Variants in GPR141 observed in about 807,000 individuals in gnomAD.
The protein encoded by GPR141 is G protein-coupled receptor 141, also known as probable G protein-coupled receptor 141.
A neutral mutation model predicts 6.8 loss-of-function variants in GPR141; 6 were observed. That is an observed-to-expected ratio of 0.88 (90% CI 0.48 to 1.74). The LOEUF is 1.74. Among genes scored for constraint, GPR141 ranks in the 40% most tolerant of loss-of-function variants. The pLI is 0.01. For synonymous variants in GPR141, 140 were observed against 142.3 expected (o/e 0.98, Z 0.11); for missense variants, 372 against 372.9 (o/e 1.00, Z 0.02).
intron 2 of GPR141, among the ~76,000 whole-genome samples, chr7:37,707,600 C>T (rs527259518): frequency 2.2e-4 from 33 of 152,224 alleles, no homozygotes; most frequent in Non-Finnish European, 4.1e-4. Context: ...CTTTATGAAA[C>T]GGGTAACATT....
At chr7:37,695,488 G>A (rs1809972990) in intron 2 of GPR141, among the ~76,000 whole-genome samples, 1 of 152,166 alleles carries the variant, frequency 6.6e-6, no homozygotes, top group Admixed American at 6.5e-5. Context: ...GGATGATGTT[G>A]GCTAGGGTTC....
chr7:37,692,258 G>A (rs1019039811), intron 2 of GPR141, among the ~76,000 whole-genome samples: 1 of 151,440 alleles, frequency 6.6e-6, no homozygotes, highest in Non-Finnish European at 1.5e-5. Context: ...TTGGTTTTCT[G>A]TTCCTCTGTT....
intron 2 of GPR141, among the ~76,000 whole-genome samples, chr7:37,737,107 GA>G (rs1315015672): frequency 6.6e-6 from 1 of 151,982 alleles, no homozygotes; most frequent in African/African-American, 2.4e-5. Flanking sequence ...AAGATTGCAA[GA>G]AAAAGGGAAA....
chr7:37,727,238 C>T (rs1389125563), intron 2 of GPR141, among the ~76,000 whole-genome samples: 1 of 152,108 alleles, frequency 6.6e-6, no homozygotes, highest in Non-Finnish European at 1.5e-5. Context: ...TAGAAAATGT[C>T]CTTTAATTAT....
chr7:37,740,659 A>C lies in GPR141; in HGVS notation c.266A>C (p.Lys89Thr). ...KTWMFGLPFC[K>T]FVSAMLHIHM... ...TGGATGTTTGGGCTGCCCTTCTGCA[A>C]ATTTGTGAGTGCCATGCTGCACATC... The change falls in exon 3 of 3, where the codon AAA becomes ACA. Residue 89 changes from lysine to threonine, a missense_variant. Coordinates refer to ENST00000334425, the MANE Select transcript of GPR141 (RefSeq NM_001381946.1). 6.2e-7 allele frequency: 1 copy of C among 1,614,078 alleles called. No individual in the cohort carries two copies. Among genetic ancestry groups the C allele is most frequent in the Non-Finnish European group, 8.5e-7 (1 of 1,179,988 alleles).
chr7:37,722,979 CTTCT>C (rs1198501965), intron 2 of GPR141, among the ~76,000 whole-genome samples: 954 of 77,698 alleles, frequency 0.012, 65 homozygotes, highest in Admixed American at 0.099. Context: ...TCCTTCCTTC[CTTCT>C]TTCTTTCTTT....
chr7:37,688,105 T>A (rs143918642), intron 2 of GPR141, among the ~76,000 whole-genome samples: 28 of 152,234 alleles, frequency 1.8e-4, no homozygotes, highest in Non-Finnish European at 3.4e-4. Flanking sequence ...TGCTGGCCCA[T>A]GAACTATATT....
intron 2 of GPR141, among the ~76,000 whole-genome samples, chr7:37,710,178 G>A (rs1049740563): frequency 2.0e-5 from 3 of 152,084 alleles, no homozygotes; most frequent in African/African-American, 7.2e-5. Context: ...TTTTGTTATT[G>A]TTTGGATTTT....
chr7:37,741,249 G>T lies in GPR141; in HGVS notation c.856G>T (p.Gly286Trp). The T allele has an allele frequency of 6.2e-7, 1 of 1,610,874 alleles. No individual in the cohort carries two copies. Among genetic ancestry groups the T allele is most frequent in the Non-Finnish European group, 8.5e-7 (1 of 1,177,618 alleles). ...CTATGATTTGCTTCTCTTTGTCTTT[G>T]GGGGAAGCCATTGGTTTAAGCAAAA... Reference protein sequence around the residue: ...SCYDLLLFVFGGSHWFKQKII... With the variant: ...SCYDLLLFVFWGSHWFKQKII... Residue 286 changes from glycine (G) to tryptophan (W), a missense_variant, in exon 3 of 3, where the codon GGG (glycine) becomes TGG (tryptophan). Physicochemically the swap from Gly to Trp is radical, Grantham distance 184. Transcript: ENST00000334425.
chr7:37,731,107 G>A (rs1811907797), intron 2 of GPR141, among the ~76,000 whole-genome samples: 1 of 152,186 alleles, frequency 6.6e-6, no homozygotes, highest in Non-Finnish European at 1.5e-5. Context: ...GGATAAATGT[G>A]ACACTGCTAA....
chr7:37,706,490 C>A (rs1242090628), intron 2 of GPR141, among the ~76,000 whole-genome samples: 1 of 152,142 alleles, frequency 6.6e-6, no homozygotes, highest in African/African-American at 2.4e-5. Flanking sequence ...TTCCACCCTG[C>A]AGATTTCTGT....
intron 2 of GPR141, among the ~76,000 whole-genome samples, chr7:37,690,180 T>C (rs1234472531): frequency 6.6e-6 from 1 of 152,174 alleles, no homozygotes; most frequent in Non-Finnish European, 1.5e-5. Context: ...TTTTTTTGTT[T>C]GTTTGTTTTT....
Position 37,741,946 on chromosome 7 carries a change from C to T in GPR141, c.*635C>T, listed in dbSNP as rs1812585236. Among the ~76,000 whole-genome samples, 1 of 152,128 alleles carries T rather than the reference C, an allele frequency of 6.6e-6. No homozygotes were observed. Among genetic ancestry groups the T allele is most frequent in the African/African-American group, 2.4e-5 (1 of 41,432 alleles). ...TTTCTAGATTTGTCCTGTGAAAGGT[C>T]GTTTAAGGACTTGGGGATCAACTTC... On this transcript the variant is annotated 3_prime_UTR_variant, in exon 3 of 3. Transcript: ENST00000334425.
chr7:37,697,675 A>C (rs1306230152), intron 2 of GPR141, among the ~76,000 whole-genome samples: 2 of 152,198 alleles, frequency 1.3e-5, no homozygotes, highest in African/African-American at 4.8e-5. Flanking sequence ...TGGATAAACA[A>C]CAAGAAAATT....
At chr7:37,696,419 C>T (rs1810017156) in intron 2 of GPR141, among the ~76,000 whole-genome samples, 1 of 152,136 alleles carries the variant, frequency 6.6e-6, no homozygotes, top group Non-Finnish European at 1.5e-5. Context: ...GAATACCCTG[C>T]TATGTGTTTT....
rs1215356916 is a variant in GPR141 at position 37,742,828 on chromosome 7, C to T, written c.*1517C>T. Among the ~76,000 whole-genome samples, 1 of 152,128 alleles carries T rather than the reference C, an allele frequency of 6.6e-6. No individual in the cohort carries two copies. Among genetic ancestry groups the T allele is most frequent in the African/African-American group, 2.4e-5 (1 of 41,428 alleles). On this transcript the variant is annotated 3_prime_UTR_variant, in exon 3 of 3. Coordinates refer to ENST00000334425, the MANE Select transcript of GPR141 (RefSeq NM_001381946.1). Reference sequence around the variant, plus strand: ...CATGTTTACCTATGTAACAAACCTGCACATGTACCCCTGAACTTAAAATAA... The same window carrying T: ...CATGTTTACCTATGTAACAAACCTGTACATGTACCCCTGAACTTAAAATAA...
At chr7:37,704,522 G>A (rs1294210611) in intron 2 of GPR141, among the ~76,000 whole-genome samples, 1 of 152,140 alleles carries the variant, frequency 6.6e-6, no homozygotes, top group Non-Finnish European at 1.5e-5. Flanking sequence ...CATGGGAACA[G>A]CATGGGGGAA....
At chr7:37,701,401 C>G (rs1810272960) in intron 2 of GPR141, among the ~76,000 whole-genome samples, 1 of 152,052 alleles carries the variant, frequency 6.6e-6, no homozygotes. Flanking sequence ...CAGGGAAAGG[C>G]CTTTGAGAAG....
chr7:37,732,144 C>CTTT (rs1176520782), intron 2 of GPR141, among the ~76,000 whole-genome samples: 55 of 127,558 alleles, frequency 4.3e-4, no homozygotes, highest in South Asian at 1.0e-3. Context: ...TTCTCTCTCT[C>CTTT]TTTTTTTTTT....
Sources: gnomAD v4.1 joint callset for allele counts (sites outside exome capture counted in the v4.1 genomes callset) on GRCh38, gnomAD v4.1.1 for gene constraint, MANE v1.5 for transcripts, NCBI Gene and HGNC (gene_info 2026-07-23, HGNC 2026-07-21) for gene names.